The following SEC14L1 variants were observed in gnomAD, a reference collection of about 807,000 sequenced individuals.
SEC14L1 encodes the protein SEC14-like protein 1.
In SEC14L1, 48 loss-of-function variants were observed where a neutral mutation model predicts 85.3. The ratio of observed to expected loss-of-function variants is 0.56; its 90% confidence interval spans 0.45 to 0.72. The LOEUF is 0.72. Among genes scored for constraint, SEC14L1 ranks in the 30% least tolerant of loss-of-function variants. SEC14L1 has a pLI of 0.00. For synonymous variants in SEC14L1, 391 were observed against 355.5 expected, an observed-to-expected ratio of 1.10 and a Z score of -1.12; for missense variants, 682 against 921.4, an observed-to-expected ratio of 0.74 and a Z score of 3.36.
In SEC14L1 at chr17:77,114,390, G is replaced by A. The variant is rs372405830; in HGVS notation, c.-136+21043G>A. On this transcript the variant is annotated intron_variant, in intron 3 of 19. Transcript: ENST00000392476. ...AATACAAAAATTAGCTGGGCATGGT[G>A]GCGATCACCTGAAATCCCAGCCACT... Among the ~76,000 whole-genome samples the A allele has an allele frequency of 1.9e-3, 290 of 152,098 alleles. 1 individual carries two copies. The highest frequency in any genetic ancestry group is 3.4e-3 in the Middle Eastern group (1 of 294).
intron 3 of SEC14L1, among the ~76,000 whole-genome samples, chr17:77,108,732 C>T (rs1482861513): frequency 7.1e-6 from 1 of 141,402 alleles, no homozygotes; most frequent in Non-Finnish European, 1.5e-5. Context: ...GAGCCAGGCT[C>T]TGTCTCAAAA....
chr17:77,185,556 A>G (rs1975228810), intron 3 of SEC14L1, among the ~76,000 whole-genome samples: 1 of 152,298 alleles, frequency 6.6e-6, no homozygotes, highest in African/African-American at 2.4e-5. Context: ...AAAATGGCCT[A>G]GTTCTAGCTA....
intron 3 of SEC14L1, among the ~76,000 whole-genome samples, chr17:77,161,571 G>T (rs1270505907): frequency 2.0e-5 from 3 of 152,128 alleles, no homozygotes; most frequent in African/African-American, 7.2e-5. Context: ...AAAGTAACTG[G>T]TCAACATTAA....
At chr17:77,108,517 G>A (rs115792497) in intron 3 of SEC14L1, among the ~76,000 whole-genome samples, 10,711 of 152,086 alleles carry the variant, frequency 0.07, 500 homozygotes, top group African/African-American at 0.14. Flanking sequence ...CGGGCAGATG[G>A]CTTGAGGTCA....
At chr17:77,187,004 A>G (rs1468055876) in intron 3 of SEC14L1, among the ~76,000 whole-genome samples, 1 of 152,132 alleles carries the variant, frequency 6.6e-6, no homozygotes, top group African/African-American at 2.4e-5. Flanking sequence ...GAGCATCTCA[A>G]ATTTGGAAGT....
At chr17:77,106,254 C>T (rs1224642108) in intron 3 of SEC14L1, among the ~76,000 whole-genome samples, 2 of 152,158 alleles carry the variant, frequency 1.3e-5, no homozygotes, top group East Asian at 3.9e-4. Context: ...TTATAGGAGG[C>T]CAGGTGTGGT....
intron 13 of SEC14L1, among the ~76,000 whole-genome samples, chr17:77,207,249 A>G (rs999808626): frequency 6.0e-5 from 4 of 67,162 alleles, no homozygotes; most frequent in African/African-American, 2.3e-4. Context: ...CCTTTTTTTT[A>G]TGGAGACAGG....
chr17:77,159,411 C>A (rs567477439), intron 3 of SEC14L1, among the ~76,000 whole-genome samples: 1 of 144,640 alleles, frequency 6.9e-6, no homozygotes, highest in African/African-American at 2.6e-5. Context: ...GACAGAGTCT[C>A]GCTCTGTTGC....
At position 77,211,285 on chromosome 17, in the gene SEC14L1, C is replaced by A. The variant is rs140847771; in HGVS notation, c.1612-665C>A. The A allele has an allele frequency of 3.7e-3, 571 of 153,144 alleles. 5 individuals carry two copies. The highest frequency in any genetic ancestry group is 0.013 in the African/African-American group (550 of 41,594). The allele number at this position is 153,144 out of a possible 1,614,324, so 9.5% of individuals were successfully genotyped here. A position where few individuals can be genotyped will look rare whatever the true frequency, so the allele number is the denominator to read the frequency against. On this transcript the variant is annotated intron_variant, in intron 14 of 16. Coordinates refer to ENST00000436233, the MANE Select transcript of SEC14L1 (RefSeq NM_001143998.2). ...GTGACTGCAGAACTCTGCACAGCTG[C>A]TTTTCATTCTCACGTCCGCCCCCGC... is the stretch of plus-strand genomic sequence containing the variant.
At position 77,181,683 on chromosome 17, in the gene SEC14L1, TG is replaced by T. The variant is rs564028356; in HGVS notation, c.64-9116del. On this transcript the variant is annotated intron_variant, in intron 3 of 16. Coordinates refer to ENST00000436233, the MANE Select transcript of SEC14L1 (RefSeq NM_001143998.2). ...TACCCACCTCAGCCTCCCAAAGTGC[TG>T]GGGTTACAGGCGTGAGCCACCCCAC... Among the ~76,000 whole-genome samples the T allele has an allele frequency of 1.7e-4, 26 of 152,332 alleles. No individual in the cohort carries two copies. The East Asian group carries it at 4.8e-3, about 28-fold the overall frequency.
chr17:77,123,225 A>C (rs995330035), intron 3 of SEC14L1, among the ~76,000 whole-genome samples: 4 of 149,654 alleles, frequency 2.7e-5, no homozygotes, highest in Non-Finnish European at 4.5e-5. Flanking sequence ...AATTTTTTGT[A>C]TTTTTAGTAG....
At chr17:77,186,424 C>T (rs1334903104) in intron 3 of SEC14L1, among the ~76,000 whole-genome samples, 2 of 152,252 alleles carry the variant, frequency 1.3e-5, no homozygotes, top group African/African-American at 4.8e-5. Context: ...AGGCTTTCCC[C>T]ACGCTGCCTC....
intron 3 of SEC14L1, among the ~76,000 whole-genome samples, chr17:77,129,550 C>T (rs569908): frequency 0.33 from 50,256 of 151,850 alleles, 8,692 homozygotes; most frequent in Middle Eastern, 0.39. Context: ...CCTCTGAGTT[C>T]GAATCTCCTG....
At chr17:77,193,635 C>T in intron 6 of SEC14L1, 86 bp downstream of exon 6, 1 of 1,385,088 alleles carries the variant, frequency 7.2e-7, no homozygotes, top group Non-Finnish European at 1.0e-6. Flanking sequence ...GATGGCTTAG[C>T]AAGGGATTTG....
chr17:77,194,841 C>G lies in SEC14L1; in HGVS notation c.639C>G (p.Leu213=), dbSNP rs1458237667. 6.2e-6 allele frequency: 10 copies of G among 1,614,104 alleles called. No individual in the cohort carries two copies. In the African/African-American group the frequency reaches 1.1e-4, roughly 17 times the overall value. ...CCGTCGTCATCCCAGAAGCTGCCCT[C>G]AAGGAGGGGCTGAGTGGTGATGCCC... ...SMAVVIPEAA[L]KEGLSGDALS... Residue 213 remains leucine (L), a synonymous_variant, in exon 7 of 17, where the codon CTC becomes CTG. Transcript: ENST00000436233.
chr17:77,209,436 T>C lies in SEC14L1; in HGVS notation c.1571T>C (p.Ile524Thr). Residue 524 changes from isoleucine (I) to threonine (T), a missense_variant, in exon 14 of 17, where the codon ATC becomes ACC. Coordinates refer to ENST00000436233, the MANE Select transcript of SEC14L1 (RefSeq NM_001143998.2). Reference protein sequence around the residue: ...NEDLKLWTETIYQSASVFKGA... With the variant: ...NEDLKLWTETTYQSASVFKGA... The stretch of plus-strand genomic sequence containing the variant: ...GACCTGAAGCTCTGGACTGAGACCA[T>C]CTACCAGTCTGCAAGCGTCTTCAAA... 3.1e-6 allele frequency: 5 copies of C among 1,614,178 alleles called. No homozygotes were observed. The highest frequency in any genetic ancestry group is 4.2e-6 in the Non-Finnish European group (5 of 1,180,026).
At chr17:77,113,052 C>T (rs1046548961) in intron 3 of SEC14L1, among the ~76,000 whole-genome samples, 7 of 151,408 alleles carry the variant, frequency 4.6e-5, no homozygotes, top group East Asian at 1.9e-4. Flanking sequence ...CTAGCTACTT[C>T]GGAGGCTGAG....
intron 3 of SEC14L1, chr17:77,145,010 C>G (rs1026900907): frequency 6.6e-6 from 1 of 152,108 alleles, no homozygotes; most frequent in African/African-American, 2.4e-5. Context: ...CTCCTGAGTT[C>G]AAGCGATTCT....
rs867428477 is a variant in SEC14L1, at chr17:77,198,815, A to G, written c.820-1669A>G. On this transcript the variant is annotated intron_variant, in intron 8 of 16. Transcript: ENST00000436233. The stretch of plus-strand genomic sequence containing the variant: ...TCTCGATCTCCTGACCTCATGATCC[A>G]CCCGCCTCGGCCTCCCAGAGTGCTG... The G allele has an allele frequency of 6.3e-4, 96 of 151,608 alleles. No individual in the cohort carries two copies. The Middle Eastern group carries it at 0.01, about 16-fold the overall frequency. The allele number at this position is 151,608 out of a possible 1,614,324, so 9.4% of individuals were successfully genotyped here.
Sources: allele counts gnomAD v4.1 joint callset (sites outside exome capture counted in the v4.1 genomes callset), GRCh38; gene constraint gnomAD v4.1.1; transcripts MANE v1.5; gene names NCBI Gene and HGNC (gene_info 2026-07-23, HGNC 2026-07-21).